GRID2: variants seen among roughly 807,000 people sequenced by gnomAD.
GRID2 encodes glutamate ionotropic receptor delta type subunit 2, also known as glutamate receptor ionotropic, delta-2.
Under a neutral mutation model 114.8 loss-of-function variants are expected in GRID2, and 33 were observed. That is an observed-to-expected ratio of 0.29 (90% CI 0.22 to 0.38). The LOEUF is 0.38. Ranked by LOEUF, GRID2 falls within the 10% of genes least tolerant of loss-of-function variation. The pLI is 1.00. For synonymous variants in GRID2, 505 were observed against 449.9 expected (o/e 1.12, Z -1.55); for missense variants, 1,184 against 1,257.7 (o/e 0.94, Z 0.89).
intron 8 of GRID2, among the ~76,000 whole-genome samples, chr4:93,277,874 G>A (rs1209832835): frequency 6.6e-6 from 1 of 151,846 alleles, no homozygotes; most frequent in African/African-American, 2.4e-5. Flanking sequence ...GAGGGAACAC[G>A]TATTGAATTT....
intron 4 of GRID2, among the ~76,000 whole-genome samples, chr4:93,137,427 CACAA>C (rs1006291586): frequency 3.2e-4 from 48 of 152,186 alleles, no homozygotes; most frequent in African/African-American, 1.2e-3. Flanking sequence ...CTTGAGATGA[CACAA>C]ATATATCACA....
intron 1 of GRID2, among the ~76,000 whole-genome samples, chr4:92,376,458 G>A (rs1729362209): frequency 6.6e-6 from 1 of 152,124 alleles, no homozygotes. Flanking sequence ...GATTTCATGG[G>A]CTGGCATTGA....
intron 13 of GRID2, among the ~76,000 whole-genome samples, chr4:93,552,594 T>C (rs1465411161): frequency 1.3e-5 from 2 of 152,194 alleles, no homozygotes; most frequent in African/African-American, 2.4e-5. Flanking sequence ...AGATGATATC[T>C]CATTGTGGTT....
rs991027004 is a variant in GRID2 at position 92,640,637 on chromosome 4, A to G, written c.244+50351A>G. On this transcript the variant is annotated intron_variant, in intron 2 of 15. Transcript: ENST00000282020. ...AGCTAGGGATGAAAAAGACAACTGA[A>G]AATAAAATATGGAAGAAGTAAGAAT... Among the ~76,000 whole-genome samples the G allele has an allele frequency of 2.0e-5, 3 of 151,832 alleles. No homozygotes were observed. The East Asian group carries it at 5.8e-4, about 29-fold the overall frequency.
intron 1 of GRID2, among the ~76,000 whole-genome samples, chr4:92,550,799 A>G (rs918312377): frequency 3.9e-5 from 6 of 152,204 alleles, no homozygotes; most frequent in Non-Finnish European, 1.5e-5. Flanking sequence ...TAATACTTGA[A>G]CTAAATTCAT....
chr4:93,257,219 C>A (rs1005672097), intron 8 of GRID2, among the ~76,000 whole-genome samples: 1 of 151,682 alleles, frequency 6.6e-6, no homozygotes, highest in Non-Finnish European at 1.5e-5. Context: ...ATAGAAATTG[C>A]CTGCAAATAT....
rs114175170 is a variant in GRID2, at chr4:93,229,977, A to G, written c.1125+5202A>G. The stretch of plus-strand genomic sequence containing the variant: ...CCATTGTTATTTACGTGGATGTTGT[A>G]TGATATTTTTGAAGGAATTATAGTT... On this transcript the variant is annotated intron_variant, in intron 7 of 15. Coordinates refer to ENST00000282020, the MANE Select transcript of GRID2 (RefSeq NM_001510.4). 5.2e-3 allele frequency among the ~76,000 whole-genome samples: 787 copies of G among 152,214 alleles called. 4 individuals carry two copies. Among genetic ancestry groups the G allele is most frequent in the African/African-American group, 0.018 (751 of 41,530 alleles).
At chr4:92,439,140 C>T (rs917163948) in intron 1 of GRID2, among the ~76,000 whole-genome samples, 6 of 148,266 alleles carry the variant, frequency 4.0e-5, no homozygotes, top group South Asian at 2.2e-4. Flanking sequence ...TGTTCTCTGG[C>T]GGGCAGGAGT....
At chr4:93,291,201 A>G (rs1294249680) in intron 8 of GRID2, among the ~76,000 whole-genome samples, 1 of 150,948 alleles carries the variant, frequency 6.6e-6, no homozygotes, top group Admixed American at 6.6e-5. Context: ...AAAATATTTT[A>G]TATATATGTA....
intron 2 of GRID2, among the ~76,000 whole-genome samples, chr4:92,875,256 G>A (rs777643452): frequency 2.1e-5 from 3 of 144,666 alleles, no homozygotes; most frequent in Non-Finnish European, 3.0e-5. Flanking sequence ...TCTGCCTCCC[G>A]GGTACACGCG....
chr4:92,904,556 GAGTTTCTAATATAA>G (rs1399105515), intron 2 of GRID2, among the ~76,000 whole-genome samples: 3 of 151,820 alleles, frequency 2.0e-5, no homozygotes, highest in African/African-American at 7.2e-5. Flanking sequence ...TGTGGCAACA[GAGTTTCTAATATAA>G]AGTCGATGTA....
intron 2 of GRID2, among the ~76,000 whole-genome samples, chr4:92,700,928 A>G (rs1023870725): frequency 2.7e-5 from 4 of 149,496 alleles, no homozygotes; most frequent in African/African-American, 9.9e-5. Context: ...CGGGAGGTGG[A>G]GCTTGCAGTG....
intron 1 of GRID2, among the ~76,000 whole-genome samples, chr4:92,339,093 G>T (rs1394880715): frequency 6.6e-6 from 1 of 152,032 alleles, no homozygotes; most frequent in African/African-American, 2.4e-5. Flanking sequence ...TGGAACAATT[G>T]TTATATGAGA....
At chr4:92,723,991 T>C (rs1054825540) in intron 2 of GRID2, among the ~76,000 whole-genome samples, 6 of 152,190 alleles carry the variant, frequency 3.9e-5, no homozygotes, top group Admixed American at 3.9e-4. Flanking sequence ...GTGAATTAGA[T>C]ATATTATTAA....
chr4:92,416,464 A>T (rs1377060191), intron 1 of GRID2, among the ~76,000 whole-genome samples: 2 of 152,256 alleles, frequency 1.3e-5, no homozygotes, highest in East Asian at 3.9e-4. Flanking sequence ...ATTCTTGGTC[A>T]TGAGCTCTTT....
At chr4:92,493,211 T>C (rs898131115) in intron 1 of GRID2, among the ~76,000 whole-genome samples, 3 of 152,110 alleles carry the variant, frequency 2.0e-5, no homozygotes, top group Admixed American at 2.0e-4. Flanking sequence ...AAGTGGTTTT[T>C]ATCCTAGTCA....
chr4:93,222,908 A>T (rs1220397801), intron 6 of GRID2, among the ~76,000 whole-genome samples: 1 of 152,128 alleles, frequency 6.6e-6, no homozygotes, highest in Non-Finnish European at 1.5e-5. Context: ...AAGACTTGGA[A>T]CCAACCCAAA....
intron 1 of GRID2, among the ~76,000 whole-genome samples, chr4:92,347,259 C>T (rs1296767159): frequency 6.6e-6 from 1 of 152,108 alleles, no homozygotes; most frequent in Non-Finnish European, 1.5e-5. Flanking sequence ...TAGGATAGTT[C>T]AGTGTGGAAT....
chr4:93,566,513 T>C (rs1735435840), intron 13 of GRID2, among the ~76,000 whole-genome samples: 1 of 152,210 alleles, frequency 6.6e-6, no homozygotes, highest in Non-Finnish European at 1.5e-5. Context: ...TGCCTGCCTG[T>C]AATCCCAACA....
Sources: gnomAD v4.1 joint callset for allele counts (sites outside exome capture counted in the v4.1 genomes callset) on GRCh38, gnomAD v4.1.1 for gene constraint, MANE v1.5 for transcripts, NCBI Gene and HGNC (gene_info 2026-07-23, HGNC 2026-07-21) for gene names.